MGAT4A: variants seen among roughly 807,000 people sequenced by gnomAD.
MGAT4A encodes alpha-1,3-mannosyl-glycoprotein 4-beta-N-acetylglucosaminyltransferase A, also known as N-acetylglucosaminyltransferase IVa.
In MGAT4A, 33 loss-of-function variants were observed where a neutral mutation model predicts 74.1. That is an observed-to-expected ratio of 0.45 (90% confidence interval 0.34 to 0.60). The LOEUF (loss-of-function observed/expected upper bound fraction) is 0.60, where lower values mean the gene tolerates loss of function less well. Among genes scored for constraint, MGAT4A ranks in the 20% least tolerant of loss-of-function variants. MGAT4A has a pLI of 0.02. For missense variants in MGAT4A, 479 were observed against 628.3 expected, an observed-to-expected ratio of 0.76 and a Z score of 2.54; for synonymous variants, 198 against 210.4, an observed-to-expected ratio of 0.94 and a Z score of 0.51.
intron 4 of MGAT4A, among the ~76,000 whole-genome samples, chr2:98,665,333 C>CAAAAA (rs3067257): frequency 5.2e-5 from 6 of 114,878 alleles, no homozygotes; most frequent in African/African-American, 1.4e-4. Flanking sequence ...CATCTCATCT[C>CAAAAA]AAAAAAAAAA....
intron 2 of MGAT4A, among the ~76,000 whole-genome samples, chr2:98,704,471 C>T (rs1250264864): frequency 7.9e-5 from 12 of 152,154 alleles, no homozygotes; most frequent in East Asian, 3.9e-4. Context: ...TAGCAGGGTG[C>T]GGTGGCATGC....
At chr2:98,711,138 G>C (rs901182130) in intron 2 of MGAT4A, among the ~76,000 whole-genome samples, 1 of 151,838 alleles carries the variant, frequency 6.6e-6, no homozygotes, top group Admixed American at 6.6e-5. Context: ...CTACTAAGTC[G>C]ATATAATGAC....
chr2:98,639,608 G>A (rs761480735), intron 12 of MGAT4A, among the ~76,000 whole-genome samples, 200 bp downstream of exon 12: 40 of 151,868 alleles, frequency 2.6e-4, no homozygotes, highest in Non-Finnish European at 3.8e-4. Flanking sequence ...TTCACCAAAC[G>A]TGTTAAATGT....
At chr2:98,696,207 C>T (rs151046419) in intron 2 of MGAT4A, among the ~76,000 whole-genome samples, 366 of 152,304 alleles carry the variant, frequency 2.4e-3, no homozygotes, top group Non-Finnish European at 4.0e-3. Context: ...TACATTCCCT[C>T]CCTTGCTCTT....
intron 2 of MGAT4A, among the ~76,000 whole-genome samples, chr2:98,703,060 G>A (rs1437973985): frequency 1.3e-5 from 2 of 152,224 alleles, no homozygotes; most frequent in Non-Finnish European, 2.9e-5. Context: ...AGTGGTCTCT[G>A]AGTATTCCCA....
At chr2:98,716,001 A>G (rs1702587065) in intron 2 of MGAT4A, among the ~76,000 whole-genome samples, 1 of 152,174 alleles carries the variant, frequency 6.6e-6, no homozygotes, top group Non-Finnish European at 1.5e-5. Flanking sequence ...TCAACATCAC[A>G]CACCTCCTGA....
intron 1 of MGAT4A, among the ~76,000 whole-genome samples, chr2:98,728,960 A>G (rs1300773380): frequency 6.6e-6 from 1 of 152,150 alleles, no homozygotes; most frequent in Non-Finnish European, 1.5e-5. Context: ...TGTTCTAGTA[A>G]AAGATCTAAA....
chr2:98,639,130 C>CA (rs371350533), intron 12 of MGAT4A, among the ~76,000 whole-genome samples: 8 of 151,904 alleles, frequency 5.3e-5, no homozygotes, highest in African/African-American at 1.7e-4. Flanking sequence ...ACTAAAAATA[C>CA]AAAAAAATTA....
intron 2 of MGAT4A, among the ~76,000 whole-genome samples, chr2:98,716,606 C>T (rs1559176108): frequency 6.6e-6 from 1 of 152,204 alleles, no homozygotes; most frequent in South Asian, 2.1e-4. Flanking sequence ...GCCTGGGCTA[C>T]AGAGCGAAAC....
intron 5 of MGAT4A, among the ~76,000 whole-genome samples, chr2:98,659,978 A>C (rs2104266269): frequency 1.1e-5 from 1 of 94,710 alleles, no homozygotes; most frequent in East Asian, 3.5e-4. Flanking sequence ...CAAACAAAAA[A>C]GGTATAGCTT....
At chr2:98,652,456 T>G (rs929929886) in intron 8 of MGAT4A, among the ~76,000 whole-genome samples, 3 of 150,704 alleles carry the variant, frequency 2.0e-5, no homozygotes, top group Admixed American at 1.3e-4. Context: ...TCAGCCTCCC[T>G]AGTAGCTGGG....
intron 2 of MGAT4A, among the ~76,000 whole-genome samples, chr2:98,715,499 G>C (rs1450922343): frequency 6.6e-6 from 1 of 151,984 alleles, no homozygotes; most frequent in East Asian, 1.9e-4. Flanking sequence ...TCCTCTGCAG[G>C]GACACAGATG....
intron 2 of MGAT4A, among the ~76,000 whole-genome samples, chr2:98,679,428 A>AAG (rs1269396942): frequency 1.0e-5 from 1 of 98,348 alleles, no homozygotes. Flanking sequence ...AAAAAAAAAA[A>AAG]AGAGACCAGC....
chr2:98,730,799 C>T (rs1702842850), intron 1 of MGAT4A, among the ~76,000 whole-genome samples: 1 of 147,940 alleles, frequency 6.8e-6, no homozygotes, highest in Non-Finnish European at 1.5e-5. Context: ...GCCCGCGCCC[C>T]GCCGCCCGCC....
intron 8 of MGAT4A, 76 bp from the exon 9 acceptor site, chr2:98,645,618 A>G: frequency 1.0e-6 from 1 of 1,002,258 alleles, no homozygotes; most frequent in Non-Finnish European, 1.4e-6. Context: ...TTATGGAAAA[A>G]TACAAGCATA....
intron 10 of MGAT4A, among the ~76,000 whole-genome samples, chr2:98,640,750 A>T (rs1045729729): frequency 1.1e-4 from 16 of 152,236 alleles, no homozygotes. Context: ...CCAGAAATTT[A>T]AAATAAGCAT....
At chr2:98,641,871 T>TA (rs1353680601) in intron 10 of MGAT4A, among the ~76,000 whole-genome samples, 2 of 151,628 alleles carry the variant, frequency 1.3e-5, no homozygotes, top group East Asian at 3.9e-4. Context: ...CCCGTGCCTG[T>TA]AGTCCCAGCT....
chr2:98,642,016 T>G (rs909249840), intron 10 of MGAT4A, among the ~76,000 whole-genome samples: 1 of 150,224 alleles, frequency 6.7e-6, no homozygotes, highest in African/African-American at 2.5e-5. Context: ...AAAAAAGAAA[T>G]TTACACTGTA....
At position 98,678,484 on chromosome 2, in the gene MGAT4A, C is replaced by A; in HGVS notation, c.95-13G>T. 3 of 1,548,772 alleles carry A rather than the reference C, an allele frequency of 1.9e-6. No homozygotes were observed. The highest frequency in any genetic ancestry group is 1.2e-5 in the South Asian group (1 of 83,296). ...GCAATCAGTTTTTCTAGAAGCAAAA[C>A]CAAAACAGTTATAGTATATGTCTTA... On this transcript the variant is annotated splice_polypyrimidine_tract_variant and intron_variant, in intron 2 of 15. Coordinates refer to ENST00000393487, the MANE Select transcript of MGAT4A (RefSeq NM_012214.3).
Sources: gnomAD v4.1 joint callset for allele counts (sites outside exome capture counted in the v4.1 genomes callset) on GRCh38, gnomAD v4.1.1 for gene constraint, MANE v1.5 for transcripts, NCBI Gene and HGNC (gene_info 2026-07-23, HGNC 2026-07-21) for gene names.